The following GPR180 variants were observed in gnomAD, a reference collection of about 807,000 sequenced individuals.
GPR180 encodes integral membrane protein GPR180.
In GPR180, 53 loss-of-function variants were observed where a neutral mutation model predicts 52.6. The ratio of observed to expected loss-of-function variants is 1.01; its 90% confidence interval spans 0.81 to 1.27. The LOEUF is 1.27. Among genes scored for constraint, GPR180 ranks in the 50% most tolerant of loss-of-function variants. The probability of loss-of-function intolerance (pLI) is 0.00; values close to 1 mark genes in which losing one functional copy is unlikely to be tolerated. For missense variants in GPR180, 533 were observed against 527.0 expected, an observed-to-expected ratio of 1.01 and a Z score of -0.11; for synonymous variants, 200 against 193.1, an observed-to-expected ratio of 1.04 and a Z score of -0.30.
chr13:94,624,691 C>G (rs1021641033), intron 7 of GPR180, among the ~76,000 whole-genome samples: 13 of 151,886 alleles, frequency 8.6e-5, no homozygotes, highest in Non-Finnish European at 1.8e-4. Context: ...CCGAGTAACT[C>G]GCGCCCACGC....
In GPR180 at chr13:94,612,312, G is replaced by T; in HGVS notation, c.427G>T (p.Asp143Tyr). ...QDDKENSQVE[D>Y]IPFEMVLLNP... ...TGACAAGGAGAATTCTCAGGTGGAA[G>T]ATATCCCATTTGAAATGGTGTTACT... is the stretch of plus-strand genomic sequence containing the variant. The change falls in exon 3 of 9, where the codon GAT becomes TAT. Residue 143 changes from aspartate to tyrosine, a missense_variant. Coordinates refer to ENST00000376958, the MANE Select transcript of GPR180 (RefSeq NM_180989.6). 3 of 1,613,890 alleles carry T rather than the reference G, an allele frequency of 1.9e-6. No homozygotes were observed. Among genetic ancestry groups the T allele is most frequent in the Non-Finnish European group, 2.5e-6 (3 of 1,179,770 alleles).
Position 94,625,981 on chromosome 13 carries a change from T to C in GPR180, c.1102T>C (p.Phe368Leu), listed in dbSNP as rs1225464848. Residue 368 changes from phenylalanine (F) to leucine (L), a missense_variant, in exon 8 of 9, where the codon TTT becomes CTT. Coordinates refer to ENST00000376958, the MANE Select transcript of GPR180 (RefSeq NM_180989.6). The part of the protein sequence containing the change: ...ITFAKGCILW[F>L]LCHPVLACIS... ...TTTGTTTCAGGGCTGTATCTTGTGG[T>C]TTTTATGCCATCCAGTTCTTGCATG... The C allele has an allele frequency of 6.2e-7, 1 of 1,611,944 alleles. No individual in the cohort carries two copies.
In GPR180 at chr13:94,629,403, AT is replaced by A. The variant is rs1321686432; in HGVS notation, c.*2237del. On this transcript the variant is annotated 3_prime_UTR_variant, in exon 9 of 9. Coordinates refer to ENST00000376958, the MANE Select transcript of GPR180 (RefSeq NM_180989.6). The stretch of plus-strand genomic sequence containing the variant: ...TTCTTCCCTTAAAAAATAGATGCTT[AT>A]TTTTATTGACATGTGTATAATAAGA... The A allele has an allele frequency of 1.3e-5, 2 of 152,116 alleles. No individual in the cohort carries two copies. Among genetic ancestry groups the A allele is most frequent in the Non-Finnish European group, 2.9e-5 (2 of 67,982 alleles). 9.4% of individuals were successfully genotyped at this position (152,116 alleles called of 1,614,324 possible).
rs373364799 is a variant in GPR180, at chr13:94,628,044, A to T, written c.*873A>T. ...ATACACAGATTAAATTAACAGAAGC[A>T]TTTCACATAAATGTTGGTTTCAGTC... On this transcript the variant is annotated 3_prime_UTR_variant, in exon 9 of 9. Coordinates refer to ENST00000376958, the MANE Select transcript of GPR180 (RefSeq NM_180989.6). 9.8e-5 allele frequency: 15 copies of T among 152,624 alleles called. 1 individual carries two copies. Among genetic ancestry groups the T allele is most frequent in the African/African-American group, 2.9e-4 (12 of 41,564 alleles). 9.5% of individuals were successfully genotyped at this position (152,624 alleles called of 1,614,324 possible).
Position 94,622,972 on chromosome 13 carries a change from T to G in GPR180, c.895-137T>G, listed in dbSNP as rs542986390. The G allele has an allele frequency of 4.8e-6, 3 of 630,508 alleles. No individual in the cohort carries two copies. In the East Asian group the frequency reaches 8.2e-5, roughly 17 times the overall value. The allele number at this position is 630,508 out of a possible 1,614,324, so 39.1% of individuals were successfully genotyped here. A position where few individuals can be genotyped will look rare whatever the true frequency, so the allele number is the denominator to read the frequency against. The stretch of plus-strand genomic sequence containing the variant: ...ATTAGAGTGATGAAAAGACTGTACT[T>G]TATTAATTAACAACCTCTATGGTCT... On this transcript the variant is annotated intron_variant, in intron 6 of 8. Coordinates refer to ENST00000376958, the MANE Select transcript of GPR180 (RefSeq NM_180989.6).
chr13:94,612,721 A>C (rs563965523), intron 3 of GPR180, among the ~76,000 whole-genome samples: 1 of 152,334 alleles, frequency 6.6e-6, no homozygotes, highest in South Asian at 2.1e-4. Flanking sequence ...CAACTTGTGT[A>C]GTTTATAGTT....
chr13:94,613,486 T>A (rs1889739226), intron 3 of GPR180, among the ~76,000 whole-genome samples: 2 of 152,218 alleles, frequency 1.3e-5, no homozygotes, highest in African/African-American at 4.8e-5. Flanking sequence ...GGGGTCTCGC[T>A]ATGTTGCCCA....
At chr13:94,616,518 A>G (rs1439152045) in intron 3 of GPR180, among the ~76,000 whole-genome samples, 1 of 152,188 alleles carries the variant, frequency 6.6e-6, no homozygotes, top group Non-Finnish European at 1.5e-5. Context: ...GCTGGCCTCT[A>G]AGTTTTCTTG....
At position 94,629,157 on chromosome 13, in the gene GPR180, T is replaced by A. The variant is rs1172914607; in HGVS notation, c.*1986T>A. 1 of 152,150 alleles carries A rather than the reference T, an allele frequency of 6.6e-6. No individual in the cohort carries two copies. The highest frequency in any genetic ancestry group is 1.5e-5 in the Non-Finnish European group (1 of 67,992). 9.4% of individuals were successfully genotyped at this position (152,150 alleles called of 1,614,324 possible). A position where few individuals can be genotyped will look rare whatever the true frequency, so the allele number is the denominator to read the frequency against. On this transcript the variant is annotated 3_prime_UTR_variant, in exon 9 of 9. Coordinates refer to ENST00000376958, the MANE Select transcript of GPR180 (RefSeq NM_180989.6). The stretch of plus-strand genomic sequence containing the variant: ...TTGACTAGTAATCAGGGACAAAATT[T>A]ATAGTTCATAAGTCATGACACAGTA...
intron 7 of GPR180, 34 bp from the exon 8 acceptor site, chr13:94,625,932 A>G: frequency 1.3e-6 from 2 of 1,539,894 alleles, no homozygotes; most frequent in Non-Finnish European, 1.8e-6. Flanking sequence ...AAAGCTACAC[A>G]GTTCTACTTA....
intron 3 of GPR180, among the ~76,000 whole-genome samples, chr13:94,612,939 A>T (rs1433999972): frequency 6.6e-6 from 1 of 152,228 alleles, no homozygotes; most frequent in Non-Finnish European, 1.5e-5. Flanking sequence ...GGATGATCAG[A>T]GTCCATAATA....
At chr13:94,620,087 G>T (rs928834255) in intron 5 of GPR180, among the ~76,000 whole-genome samples, 1 of 152,086 alleles carries the variant, frequency 6.6e-6, no homozygotes, top group South Asian at 2.1e-4. Context: ...AAAGGGGTCT[G>T]CATATCCTTA....
rs746796024 is a variant in GPR180 at position 94,602,073 on chromosome 13, G to A, written c.145+1G>A. ...CGCATCGGCCACTTCGAGTTCCATGGTAGGTCTGGGGGCGGGGAGGGGGAT... is the reference window on the plus strand; with the variant it reads ...CGCATCGGCCACTTCGAGTTCCATGATAGGTCTGGGGGCGGGGAGGGGGAT... On this transcript the variant is annotated splice_donor_variant, in intron 1 of 8. Coordinates refer to ENST00000376958, the MANE Select transcript of GPR180 (RefSeq NM_180989.6). LOFTEE classifies it high-confidence loss of function. The A allele has an allele frequency of 7.3e-7, 1 of 1,377,910 alleles. No individual in the cohort carries two copies. Among genetic ancestry groups the A allele is most frequent in the Non-Finnish European group, 9.4e-7 (1 of 1,062,128 alleles). The allele number at this position is 1,377,910 out of a possible 1,614,324, so 85.4% of individuals were successfully genotyped here.
intron 7 of GPR180, among the ~76,000 whole-genome samples, chr13:94,623,810 GAC>G (rs1169977400): frequency 1.3e-5 from 2 of 152,090 alleles, no homozygotes; most frequent in African/African-American, 2.4e-5. Context: ...AGACCTGTGA[GAC>G]AGTATTTTCC....
At chr13:94,618,528 G>C (rs139759282) in intron 3 of GPR180, among the ~76,000 whole-genome samples, 1 of 147,812 alleles carries the variant, frequency 6.8e-6, no homozygotes. Flanking sequence ...GAAATTCAAG[G>C]TATTGGGACA....
At chr13:94,604,344 T>TA (rs71761008) in intron 1 of GPR180, among the ~76,000 whole-genome samples, 42 of 141,754 alleles carry the variant, frequency 3.0e-4, no homozygotes, top group East Asian at 1.1e-3. Context: ...AAAAATAAAT[T>TA]AAAAAAAAAA....
chr13:94,623,425 C>T (rs1889879931), intron 7 of GPR180, 125 bp downstream of exon 7: 1 of 692,176 alleles, frequency 1.4e-6, no homozygotes, highest in Non-Finnish European at 2.4e-6. Flanking sequence ...GTGGCTCACT[C>T]CTATAATCCC....
intron 8 of GPR180, 46 bp downstream of exon 8, chr13:94,626,089 G>C: frequency 7.9e-7 from 1 of 1,271,066 alleles, no homozygotes; most frequent in Non-Finnish European, 1.1e-6. Context: ...TGAAAATATT[G>C]TCTTAATTGG....
rs375711698 is a variant in GPR180, at chr13:94,601,935, G to C, written c.8G>C (p.Gly3Ala). 227 of 1,493,872 alleles carry C rather than the reference G, an allele frequency of 1.5e-4. No individual in the cohort carries two copies. Among genetic ancestry groups the C allele is most frequent in the East Asian group, 2.8e-4 (10 of 35,436 alleles). 92.5% of individuals were successfully genotyped at this position (1,493,872 alleles called of 1,614,324 possible). ...GCAGACCTGGAGACGGGCATGGGGG[G>C]GCTGCGGCTGCTGGCTGTGGCCCTC... Reference protein sequence around the residue: MGGLRLLAVALTC... With the variant: MGALRLLAVALTC... Residue 3 changes from glycine to alanine, a missense_variant, in exon 1 of 9, where the codon GGG becomes GCG. Coordinates refer to ENST00000376958, the MANE Select transcript of GPR180 (RefSeq NM_180989.6).
Sources: gnomAD v4.1 joint callset for allele counts (sites outside exome capture counted in the v4.1 genomes callset) on GRCh38, gnomAD v4.1.1 for gene constraint, MANE v1.5 for transcripts, NCBI Gene and HGNC (gene_info 2026-07-23, HGNC 2026-07-21) for gene names.